ATG10: variants seen among roughly 807,000 people sequenced by gnomAD.
The protein encoded by ATG10 is autophagy related 10.
A neutral mutation model predicts 32.1 loss-of-function variants in ATG10; 30 were observed. That is an observed-to-expected ratio of 0.94 (90% CI 0.70 to 1.27). The LOEUF is 1.27. Ranked by LOEUF, ATG10 falls within the 50% of genes most tolerant of loss-of-function variation. ATG10 has a pLI of 0.00. For missense variants in ATG10, 233 were observed against 262.3 expected (o/e 0.89, Z 0.77); for synonymous variants, 87 against 91.5 (o/e 0.95, Z 0.28).
chr5:82,109,226 G>A (rs1438840658), intron 3 of ATG10, among the ~76,000 whole-genome samples: 1 of 152,074 alleles, frequency 6.6e-6, no homozygotes, highest in Non-Finnish European at 1.5e-5. Flanking sequence ...CTGTGTGCAA[G>A]GCCTTTGCCC....
At chr5:82,182,824 G>A (rs966329701) in intron 5 of ATG10, among the ~76,000 whole-genome samples, 1 of 152,048 alleles carries the variant, frequency 6.6e-6, no homozygotes, top group East Asian at 1.9e-4. Context: ...TCTTGTTTGT[G>A]ATATTGTACT....
chr5:82,207,048 A>T (rs1254265596), intron 5 of ATG10, among the ~76,000 whole-genome samples: 1 of 152,174 alleles, frequency 6.6e-6, no homozygotes, highest in African/African-American at 2.4e-5. Flanking sequence ...TGACTATATC[A>T]CAATTTGTCT....
At chr5:82,156,580 G>A (rs1205424676) in intron 3 of ATG10, among the ~76,000 whole-genome samples, 1 of 152,152 alleles carries the variant, frequency 6.6e-6, no homozygotes, top group East Asian at 1.9e-4. Context: ...ATTACATGAT[G>A]TACATCAATA....
chr5:82,128,620 C>G (rs1475436599), intron 3 of ATG10, among the ~76,000 whole-genome samples: 1 of 150,486 alleles, frequency 6.6e-6, no homozygotes, highest in Non-Finnish European at 1.5e-5. Flanking sequence ...TTGGCCCCCA[C>G]TCTCTTCTGG....
chr5:82,016,433 G>A (rs754231493), intron 2 of ATG10, among the ~76,000 whole-genome samples: 1 of 152,060 alleles, frequency 6.6e-6, no homozygotes, highest in Non-Finnish European at 1.5e-5. Flanking sequence ...TGTTCTGTTG[G>A]TCTATAGGCT....
intron 2 of ATG10, among the ~76,000 whole-genome samples, chr5:82,048,337 T>A (rs1383072445): frequency 6.8e-6 from 1 of 147,374 alleles, no homozygotes; most frequent in African/African-American, 2.5e-5. Flanking sequence ...ATATTGATTC[T>A]TCCTACCCAT....
chr5:82,214,040 C>T (rs895459401), intron 5 of ATG10, among the ~76,000 whole-genome samples: 16 of 152,172 alleles, frequency 1.1e-4, no homozygotes, highest in African/African-American at 3.4e-4. Context: ...TCTGCCTCAC[C>T]GTCATGTCCA....
At chr5:82,163,360 T>A (rs1311485551) in intron 3 of ATG10, among the ~76,000 whole-genome samples, 1 of 152,226 alleles carries the variant, frequency 6.6e-6, no homozygotes, top group Non-Finnish European at 1.5e-5. Context: ...CCCAGTGAAC[T>A]GACTGTGAGT....
At chr5:82,192,348 C>G (rs1744695711) in intron 5 of ATG10, among the ~76,000 whole-genome samples, 2 of 152,210 alleles carry the variant, frequency 1.3e-5, no homozygotes, top group African/African-American at 4.8e-5. Flanking sequence ...ATTCAGTCCT[C>G]TCTCCCTATT....
At chr5:82,018,146 G>A (rs1762338138) in intron 2 of ATG10, among the ~76,000 whole-genome samples, 1 of 152,112 alleles carries the variant, frequency 6.6e-6, no homozygotes, top group African/African-American at 2.4e-5. Context: ...TAAACTCCTA[G>A]TCTCCCCGCT....
chr5:82,160,019 G>T (rs996342358), intron 3 of ATG10, among the ~76,000 whole-genome samples: 4 of 152,076 alleles, frequency 2.6e-5, no homozygotes, highest in African/African-American at 9.7e-5. Flanking sequence ...ACCTTATTCA[G>T]ATTTCCCCAG....
At chr5:82,195,118 G>T (rs952971941) in intron 5 of ATG10, among the ~76,000 whole-genome samples, 1 of 152,088 alleles carries the variant, frequency 6.6e-6, no homozygotes, top group African/African-American at 2.4e-5. Flanking sequence ...GACCCTGCTG[G>T]TCCCATGAAC....
At chr5:82,032,989 CTGCTTTAGTGGTAACATATACATATAGAA>C (rs1396209623) in intron 2 of ATG10, among the ~76,000 whole-genome samples, 2 of 152,046 alleles carry the variant, frequency 1.3e-5, no homozygotes, top group Non-Finnish European at 2.9e-5. Context: ...ACTATCCTGC[CTGCTTTAGTGGTAACATATACATATAGAA>C]TGATCATTCT....
Position 82,253,383 on chromosome 5 carries a change from T to G in ATG10, c.621T>G (p.Ser207Arg). ...TTGTTGGGCTGAATCTACCTCTGAG[T>G]TATGCCAAAGCAACGTCTCAGGATG... ...GPVVGLNLPL[S>R]YAKATSQDER... The change falls in exon 7 of 8, where the codon AGT becomes AGG. Residue 207 changes from serine (S) to arginine (R), a missense_variant. By Grantham distance (110) the Ser-to-Arg change is moderately radical. Coordinates refer to ENST00000282185, the MANE Select transcript of ATG10 (RefSeq NM_031482.5). 2 of 1,612,382 alleles carry G rather than the reference T, an allele frequency of 1.2e-6. No individual in the cohort carries two copies. Among genetic ancestry groups the G allele is most frequent in the African/African-American group, 2.7e-5 (2 of 75,044 alleles).
rs968150218 is a variant in ATG10 at position 82,100,854 on chromosome 5, A to G, written c.216+42252A>G. 4.1e-5 allele frequency among the ~76,000 whole-genome samples: 6 copies of G among 147,260 alleles called. No individual in the cohort carries two copies. The East Asian group carries it at 1.2e-3, about 29-fold the overall frequency. ...AGAGGACTGTTGAAGAGGCTAATGC[A>G]TAAGGCTGTCTTGGTATGGGGTAAA... On this transcript the variant is annotated intron_variant, in intron 3 of 7. Transcript: ENST00000282185.
intron 5 of ATG10, among the ~76,000 whole-genome samples, chr5:82,194,496 A>G (rs935159518): frequency 6.6e-6 from 1 of 152,152 alleles, no homozygotes; most frequent in Non-Finnish European, 1.5e-5. Context: ...ACAGGTCTAT[A>G]TTTTAAGAGA....
At chr5:82,182,679 C>T (rs1484790195) in intron 5 of ATG10, among the ~76,000 whole-genome samples, 2 of 152,064 alleles carry the variant, frequency 1.3e-5, no homozygotes, top group Non-Finnish European at 1.5e-5. Context: ...AAATCATGGA[C>T]TGAAGAACAG....
At chr5:81,984,838 C>T (rs916843346) in intron 1 of ATG10, among the ~76,000 whole-genome samples, 11 of 152,104 alleles carry the variant, frequency 7.2e-5, no homozygotes. Flanking sequence ...ATCAAAAAAA[C>T]AATAATTATT....
intron 3 of ATG10, among the ~76,000 whole-genome samples, chr5:82,089,856 G>A (rs1429092259): frequency 1.3e-5 from 2 of 151,706 alleles, no homozygotes; most frequent in African/African-American, 2.4e-5. Flanking sequence ...TCCAAAAAAA[G>A]GACTAGTACT....
Sources: gnomAD v4.1 joint callset for allele counts (sites outside exome capture counted in the v4.1 genomes callset) on GRCh38, gnomAD v4.1.1 for gene constraint, MANE v1.5 for transcripts, NCBI Gene and HGNC (gene_info 2026-07-23, HGNC 2026-07-21) for gene names.